The following TBXAS1 variants were observed in gnomAD, a reference collection of about 807,000 sequenced individuals.
TBXAS1 encodes thromboxane-A synthase.
Under a neutral mutation model 60.7 loss-of-function variants are expected in TBXAS1, and 48 were observed. The ratio of observed to expected loss-of-function variants is 0.79; its 90% CI spans 0.63 to 1.01. The LOEUF (loss-of-function observed/expected upper bound fraction) is 1.01. Among genes scored for constraint, TBXAS1 ranks in the 50% least tolerant of loss-of-function variants. The probability of loss-of-function intolerance (pLI) is 0.00; values close to 1 mark genes in which losing one functional copy is unlikely to be tolerated. For missense variants in TBXAS1, 685 were observed against 686.3 expected, an observed-to-expected ratio of 1.00 and a Z score of 0.02; for synonymous variants, 287 against 269.7, an observed-to-expected ratio of 1.06 and a Z score of -0.63.
At chr7:139,800,960 C>A (rs1393478860) in intron 4 of TBXAS1, among the ~76,000 whole-genome samples, 3 of 152,184 alleles carry the variant, frequency 2.0e-5, no homozygotes, top group African/African-American at 4.8e-5. Context: ...TCATTTGTTC[C>A]TTCCCTGTAT....
chr7:140,001,600 A>G (rs1813678314), intron 9 of TBXAS1, among the ~76,000 whole-genome samples: 1 of 152,206 alleles, frequency 6.6e-6, no homozygotes, highest in Non-Finnish European at 1.5e-5. Context: ...CATGTTGCCC[A>G]GGTTGGTCTC....
Position 139,841,179 on chromosome 7 carries a change from C to T in TBXAS1, c.89+11700C>T, listed in dbSNP as rs574987913. On this transcript the variant is annotated intron_variant, in intron 1 of 12. Coordinates refer to ENST00000448866, the MANE Select transcript of TBXAS1 (RefSeq NM_001061.7). The stretch of plus-strand genomic sequence containing the variant: ...CGGTAGCTTCATGCCTGACTCTTTT[C>T]TCTCCTCTTCCGGCCTGGCCTCTAG... Among the ~76,000 whole-genome samples the T allele has an allele frequency of 4.6e-5, 7 of 152,216 alleles. No homozygotes were observed. In the South Asian group the frequency reaches 1.2e-3, roughly 27 times the overall value.
At chr7:139,970,821 G>A (rs769209028) in intron 9 of TBXAS1, among the ~76,000 whole-genome samples, 13 of 152,136 alleles carry the variant, frequency 8.5e-5, no homozygotes, top group Non-Finnish European at 1.8e-4. Context: ...AGATGAAGAC[G>A]GCAACCTGAG....
intron 1 of TBXAS1, among the ~76,000 whole-genome samples, chr7:139,851,191 C>A (rs1232703687): frequency 2.6e-5 from 4 of 152,188 alleles, no homozygotes; most frequent in Non-Finnish European, 5.9e-5. Flanking sequence ...CTCTTAGCTG[C>A]AATAATCTTC....
At chr7:139,817,166 G>C (rs951935588) in intron 4 of TBXAS1, among the ~76,000 whole-genome samples, 2 of 151,976 alleles carry the variant, frequency 1.3e-5, no homozygotes, top group African/African-American at 4.8e-5. Flanking sequence ...CCTAGATTCT[G>C]GTAGGGATCT....
intron 11 of TBXAS1, chr7:140,016,979 C>T (rs1815131631): frequency 1.3e-5 from 2 of 152,876 alleles, no homozygotes; most frequent in South Asian, 2.1e-4. Flanking sequence ...AGTGAGCTCG[C>T]TGTTACAGAA....
chr7:139,898,557 C>T (rs949408350), intron 3 of TBXAS1, among the ~76,000 whole-genome samples: 4 of 151,936 alleles, frequency 2.6e-5, no homozygotes, highest in South Asian at 2.1e-4. Context: ...AAAATCCTGA[C>T]CTCAGGTGAT....
At position 139,902,027 on chromosome 7, in the gene TBXAS1, A is replaced by G. The variant is rs562157098; in HGVS notation, c.237-9198A>G. ...TGTTCCCATTACCCAGCTTCCCCCA[A>G]TGGTAACCTCTTGCGTGACTATAGT... On this transcript the variant is annotated intron_variant, in intron 3 of 12. Coordinates refer to ENST00000448866, the MANE Select transcript of TBXAS1 (RefSeq NM_001061.7). Among the ~76,000 whole-genome samples the G allele has an allele frequency of 2.9e-4, 44 of 152,092 alleles. No homozygotes were observed. The South Asian group carries it at 3.7e-3, about 13-fold the overall frequency.
chr7:139,810,765 T>G (rs1284786388), intron 4 of TBXAS1, among the ~76,000 whole-genome samples: 2 of 152,210 alleles, frequency 1.3e-5, no homozygotes, highest in African/African-American at 2.4e-5. Flanking sequence ...TCTTTTTGCT[T>G]TCCTACAAGA....
chr7:140,007,529 T>C (rs538766269), intron 10 of TBXAS1, among the ~76,000 whole-genome samples: 1 of 152,348 alleles, frequency 6.6e-6, no homozygotes, highest in East Asian at 1.9e-4. Context: ...CAATTGTTTA[T>C]TGAGCATCTA....
intron 3 of TBXAS1, among the ~76,000 whole-genome samples, chr7:139,880,472 C>A (rs1173884995): frequency 1.3e-5 from 2 of 152,146 alleles, no homozygotes; most frequent in Non-Finnish European, 2.9e-5. Flanking sequence ...TCATAAAGTA[C>A]AAATGAGTAT....
chr7:139,953,602 A>T (rs905579782), intron 6 of TBXAS1, 146 bp downstream of exon 6: 1 of 764,536 alleles, frequency 1.3e-6, no homozygotes, highest in African/African-American at 1.8e-5. Context: ...TGATTAATAA[A>T]AAGAAAAGAA....
intron 1 of TBXAS1, among the ~76,000 whole-genome samples, chr7:139,846,372 G>A (rs1799801533): frequency 6.6e-6 from 1 of 152,190 alleles, no homozygotes; most frequent in African/African-American, 2.4e-5. Flanking sequence ...AGCAATAGAT[G>A]TCAGGTCTCC....
intron 1 of TBXAS1, among the ~76,000 whole-genome samples, chr7:139,836,447 A>T (rs748537397): frequency 2.0e-5 from 3 of 152,236 alleles, no homozygotes; most frequent in Admixed American, 6.5e-5. Flanking sequence ...CCCAAACAGC[A>T]TGGTACTGGT....
At chr7:139,888,044 G>T (rs960550079) in intron 3 of TBXAS1, among the ~76,000 whole-genome samples, 1 of 152,178 alleles carries the variant, frequency 6.6e-6, no homozygotes, top group Non-Finnish European at 1.5e-5. Flanking sequence ...TTTCTAATTG[G>T]AATGTATGAC....
At chr7:139,936,842 G>A (rs1468223150) in intron 5 of TBXAS1, among the ~76,000 whole-genome samples, 1 of 152,232 alleles carries the variant, frequency 6.6e-6, no homozygotes. Flanking sequence ...GGAGGTGATT[G>A]CAGTGAATGA....
intron 4 of TBXAS1, among the ~76,000 whole-genome samples, chr7:139,815,247 GAGAC>G (rs1456230691): frequency 6.6e-6 from 1 of 152,200 alleles, no homozygotes; most frequent in Non-Finnish European, 1.5e-5. Context: ...GAGAGAGAGC[GAGAC>G]AGACAGACAG....
At chr7:139,827,320 T>G (rs1479162857), upstream of TBXAS1, among the ~76,000 whole-genome samples, 1 of 152,232 alleles carries the variant, frequency 6.6e-6, no homozygotes, top group Non-Finnish European at 1.5e-5. Flanking sequence ...AGTGTCTTTT[T>G]CCACCCCTTT....
intron 1 of TBXAS1, among the ~76,000 whole-genome samples, chr7:139,845,174 A>G (rs1009286353): frequency 3.9e-5 from 6 of 151,918 alleles, no homozygotes; most frequent in Middle Eastern, 3.2e-3. Context: ...CCTGCCTTCT[A>G]TCTTGTGCTC....
Sources: gnomAD v4.1 joint callset for allele counts (sites outside exome capture counted in the v4.1 genomes callset) on GRCh38, gnomAD v4.1.1 for gene constraint, MANE v1.5 for transcripts, NCBI Gene and HGNC (gene_info 2026-07-23, HGNC 2026-07-21) for gene names.